Variants in SDR39U1 observed in about 807,000 individuals in gnomAD.
SDR39U1 encodes short chain dehydrogenase/reductase family 39U member 1, also known as epimerase family protein SDR39U1.
SDR39U1 carries 29 observed loss-of-function variants against 31.7 expected under a neutral mutation model. The ratio of observed to expected loss-of-function variants is 0.92; its 90% CI spans 0.68 to 1.25. The LOEUF (loss-of-function observed/expected upper bound fraction) is 1.25, where lower values mean the gene tolerates loss of function less well. Among genes scored for constraint, SDR39U1 ranks in the 50% most tolerant of loss-of-function variants. The pLI, the probability that SDR39U1 is intolerant of heterozygous loss-of-function variation, is 0.00. For missense variants in SDR39U1, 403 were observed against 378.4 expected, an observed-to-expected ratio of 1.06 and a Z score of -0.54; for synonymous variants, 147 against 159.0, an observed-to-expected ratio of 0.92 and a Z score of 0.57.
At position 24,440,884 on chromosome 14, in the gene SDR39U1, C is replaced by A; in HGVS notation, c.371G>T (p.Ser124Ile). The part of the protein sequence containing the change: ...PSLTAEYDED[S>I]PGGDFDFFSN... ...GAAAAAGTCAAAGTCCCCTCCTGGG[C>A]TGTCTTCATCATACTCCGCAGTCAG... The change falls in exon 5 of 6, where the codon AGC becomes ATC. Residue 124 changes from serine to isoleucine, a missense_variant. Transcript: ENST00000399395. 6.2e-7 allele frequency: 1 copy of A among 1,614,034 alleles called. No homozygotes were observed.
rs755215618 is a variant in SDR39U1 at position 24,442,747 on chromosome 14, C to T, written c.16+7G>A. The T allele has an allele frequency of 6.2e-7, 1 of 1,613,916 alleles. No individual in the cohort carries two copies. Among genetic ancestry groups the T allele is most frequent in the African/African-American group, 1.3e-5 (1 of 74,940 alleles). ...GCCCAGCACTCTCCCTTTCTGCCCT[C>T]CCTCACCCACAAGCACACGCATAGC... On this transcript the variant is annotated splice_region_variant and intron_variant, in intron 1 of 5. Coordinates refer to ENST00000399395, the MANE Select transcript of SDR39U1 (RefSeq NM_020195.3).
At chr14:24,440,552 C>T (rs1304560108) in intron 5 of SDR39U1, 60 bp from the exon 6 acceptor site, 3 of 1,535,500 alleles carry the variant, frequency 2.0e-6, no homozygotes, top group Non-Finnish European at 2.7e-6. Context: ...GCCCACTGCT[C>T]CTCCTGGTTT....
rs758831187 is a variant in SDR39U1, at chr14:24,442,735, C to T, written c.16+19G>A. 4 of 1,613,878 alleles carry T rather than the reference C, an allele frequency of 2.5e-6. No individual in the cohort carries two copies. The highest frequency in any genetic ancestry group is 2.7e-5 in the African/African-American group (2 of 74,936). ...CCGACTAAGCCCGCCCAGCACTCTC[C>T]CTTTCTGCCCTCCCTCACCCACAAG... is the stretch of plus-strand genomic sequence containing the variant. On this transcript the variant is annotated intron_variant, in intron 1 of 5. Coordinates refer to ENST00000399395, the MANE Select transcript of SDR39U1 (RefSeq NM_020195.3).
intron 3 of SDR39U1, 125 bp from the exon 4 acceptor site, chr14:24,441,920 G>A (rs760864472): frequency 1.4e-6 from 2 of 1,395,788 alleles, no homozygotes; most frequent in Non-Finnish European, 2.0e-6. Flanking sequence ...CGGCTTAAGA[G>A]AAACAGTCAA....
At chr14:24,440,518 AG>A (rs1382083394) in intron 5 of SDR39U1, 26 bp from the exon 6 acceptor site, 1 of 1,584,294 alleles carries the variant, frequency 6.3e-7, no homozygotes, top group Non-Finnish European at 8.6e-7. Flanking sequence ...GGGAAGGTAC[AG>A]GGGTCCTCTC....
At chr14:24,441,180 G>A (rs774123095) in intron 4 of SDR39U1, 10 of 566,864 alleles carry the variant, frequency 1.8e-5, no homozygotes, top group South Asian at 7.5e-5. Flanking sequence ...GGTACCAGGC[G>A]CCTGAATTTT....
chr14:24,440,301 A>T lies in SDR39U1; in HGVS notation c.664T>A (p.Ser222Thr). The change falls in exon 6 of 6, where the codon TCC becomes ACC. Residue 222 changes from serine (S) to threonine (T), a missense_variant. Transcript: ENST00000399395. ...HGVLNGVAPS[S>T]ATNAEFAQTL... is the part of the protein sequence containing the mutation. The stretch of plus-strand genomic sequence containing the variant: ...TGGGCAAACTCAGCATTAGTGGCGG[A>T]GGATGGAGCCACTCCATTCAGGACC... The T allele has an allele frequency of 6.2e-7, 1 of 1,613,834 alleles. No individual in the cohort carries two copies. Among genetic ancestry groups the T allele is most frequent in the Non-Finnish European group, 8.5e-7 (1 of 1,179,806 alleles).
rs766447677 is a variant in SDR39U1, at chr14:24,442,728, C to G, written c.16+26G>C. The G allele has an allele frequency of 2.5e-6, 4 of 1,613,706 alleles. No homozygotes were observed. The South Asian group carries it at 3.3e-5, about 13-fold the overall frequency. On this transcript the variant is annotated intron_variant, in intron 1 of 5. Coordinates refer to ENST00000399395, the MANE Select transcript of SDR39U1 (RefSeq NM_020195.3). Reference sequence around the variant, plus strand: ...TCAATCTCCGACTAAGCCCGCCCAGCACTCTCCCTTTCTGCCCTCCCTCAC... The same window carrying G: ...TCAATCTCCGACTAAGCCCGCCCAGGACTCTCCCTTTCTGCCCTCCCTCAC...
At chr14:24,442,006 G>T in intron 3 of SDR39U1, 172 bp downstream of exon 3, 2 of 1,467,072 alleles carry the variant, frequency 1.4e-6, no homozygotes, top group Non-Finnish European at 1.9e-6. Flanking sequence ...CCAATTGGCT[G>T]ACTGGGTGGA....
upstream of SDR39U1, chr14:24,442,788 C>G (rs999478840): frequency 6.2e-7 from 1 of 1,613,954 alleles, no homozygotes; most frequent in Non-Finnish European, 8.5e-7. Context: ...GGACCTAACG[C>G]GCCTGCGTAA....
chr14:24,442,387 T>C lies in SDR39U1; in HGVS notation c.82A>G (p.Thr28Ala). The stretch of plus-strand genomic sequence containing the variant: ...GGCCCGGGCTTTCGGGAGACCAACG[T>C]CACTTCGTGGCCTCTGGCATTCAGC... ...QLLNARGHEV[T>A]LVSRKPGPGR... The change falls in exon 2 of 6, where the codon ACG becomes GCG. Residue 28 changes from threonine to alanine, a missense_variant. Physicochemically the swap from Thr to Ala is moderately conservative, Grantham distance 58. Transcript: ENST00000399395. The C allele has an allele frequency of 6.2e-7, 1 of 1,612,122 alleles. No individual in the cohort carries two copies. The highest frequency in any genetic ancestry group is 8.5e-7 in the Non-Finnish European group (1 of 1,179,110).
At position 24,440,021 on chromosome 14, in the gene SDR39U1, A is replaced by C; in HGVS notation, c.*62T>G. ...TCAGCTCTCTAGAGGAGCTGAGCCT[A>C]TTCACAGTGCCTAACCTGGAAGCCT... is the stretch of plus-strand genomic sequence containing the variant. On this transcript the variant is annotated 3_prime_UTR_variant, in exon 6 of 6. Transcript: ENST00000399395. 7.1e-7 allele frequency: 1 copy of C among 1,417,718 alleles called. No homozygotes were observed. Among genetic ancestry groups the C allele is most frequent in the East Asian group, 2.3e-5 (1 of 42,828 alleles). The allele number at this position is 1,417,718 out of a possible 1,614,324, so 87.8% of individuals were successfully genotyped here.
rs745697959 is a variant in SDR39U1, at chr14:24,440,276, T to C, written c.689A>G (p.Gln230Arg). 2 of 1,613,872 alleles carry C rather than the reference T, an allele frequency of 1.2e-6. No homozygotes were observed. Among genetic ancestry groups the C allele is most frequent in the Non-Finnish European group, 8.5e-7 (1 of 1,179,880 alleles). The change falls in exon 6 of 6, where the codon CAG becomes CGG. Residue 230 changes from glutamine (Q) to arginine (R), a missense_variant. Coordinates refer to ENST00000399395, the MANE Select transcript of SDR39U1 (RefSeq NM_020195.3). ...PSSATNAEFAQTLGAALGRRA... is the reference protein window; with the variant it reads ...PSSATNAEFARTLGAALGRRA... ...GCGGCCCAGGGCAGCACCCAAGGTC[T>C]GGGCAAACTCAGCATTAGTGGCGGA...
intron 3 of SDR39U1, 66 bp from the exon 4 acceptor site, chr14:24,441,861 C>A: frequency 6.4e-7 from 1 of 1,550,796 alleles, no homozygotes; most frequent in Non-Finnish European, 8.7e-7. Flanking sequence ...CTCTCTCTGT[C>A]TTTTCCTGGG....
chr14:24,441,633 C>T (rs747935790), intron 4 of SDR39U1, 41 bp downstream of exon 4: 5 of 1,534,784 alleles, frequency 3.3e-6, no homozygotes, highest in Non-Finnish European at 4.4e-6. Context: ...TTACCCCGTT[C>T]CCCTGGCGAA....
At position 24,442,362 on chromosome 14, in the gene SDR39U1, G is replaced by T; in HGVS notation, c.107C>A (p.Pro36His). ...EVTLVSRKPG[P>H]GRITWDELAA... ...TGGACTTACCCACGTGATCCGGCCG[G>T]GCCCGGGCTTTCGGGAGACCAACGT... Residue 36 changes from proline (P) to histidine (H), a missense_variant, in exon 2 of 6, where the codon CCC (proline) becomes CAC (histidine). Transcript: ENST00000399395. The T allele has an allele frequency of 6.2e-7, 1 of 1,611,650 alleles. No individual in the cohort carries two copies. Among genetic ancestry groups the T allele is most frequent in the Non-Finnish European group, 8.5e-7 (1 of 1,178,936 alleles).
At position 24,440,202 on chromosome 14, in the gene SDR39U1, G is replaced by C; in HGVS notation, c.763C>G (p.Arg255Gly). 1 of 1,613,920 alleles carries C rather than the reference G, an allele frequency of 6.2e-7. No homozygotes were observed. Among genetic ancestry groups the C allele is most frequent in the South Asian group, 1.1e-5 (1 of 91,078 alleles). Residue 255 changes from arginine to glycine, a missense_variant, in exon 6 of 6, where the codon CGA becomes GGA. By Grantham distance (125) the Arg-to-Gly change is moderately radical. Coordinates refer to ENST00000399395, the MANE Select transcript of SDR39U1 (RefSeq NM_020195.3). ...TCCAGCAGCATGATGGCACGCTGTC[G>C]CCCAAAGACAGCTTGCACCACAGCG... Reference protein sequence around the residue: ...PSAVVQAVFGRQRAIMLLEGQ... With the variant: ...PSAVVQAVFGGQRAIMLLEGQ...
chr14:24,442,804 A>C (rs1221691781), upstream of SDR39U1: 1 of 1,613,314 alleles, frequency 6.2e-7, no homozygotes. Flanking sequence ...CGTAAAGTTT[A>C]GAGTTTACCT....
chr14:24,441,301 T>G, intron 4 of SDR39U1: 1 of 442,170 alleles, frequency 2.3e-6, no homozygotes, highest in Non-Finnish European at 4.1e-6. Context: ...CTCATAGGGT[T>G]GTTGTAAGGA....
Sources: gnomAD v4.1 joint callset for allele counts on GRCh38, gnomAD v4.1.1 for gene constraint, MANE v1.5 for transcripts, NCBI Gene and HGNC (gene_info 2026-07-23, HGNC 2026-07-21) for gene names.